Variants in WWOX observed in about 807,000 individuals in gnomAD.
The protein encoded by WWOX is WW domain-containing oxidoreductase.
A neutral mutation model predicts 46.2 loss-of-function variants in WWOX; 69 were observed. The ratio of observed to expected loss-of-function variants is 1.49; its 90% CI spans 1.23 to 1.82. The LOEUF is 1.82. Among genes scored for constraint, WWOX ranks in the 40% most tolerant of loss-of-function variants. WWOX has a pLI of 0.00. For synonymous variants in WWOX, 359 were observed against 202.6 expected (o/e 1.77, Z -6.56); for missense variants, 919 against 542.6 (o/e 1.69, Z -6.89).
intron 8 of WWOX, among the ~76,000 whole-genome samples, chr16:79,022,249 A>T (rs776158042): frequency 1.3e-5 from 2 of 150,608 alleles, no homozygotes; most frequent in Non-Finnish European, 2.9e-5. Flanking sequence ...TGGGATGACA[A>T]GTGCTTGGGG....
At chr16:79,008,270 G>T (rs187868909) in intron 8 of WWOX, among the ~76,000 whole-genome samples, 2 of 152,268 alleles carry the variant, frequency 1.3e-5, no homozygotes, top group Admixed American at 1.3e-4. Flanking sequence ...ACTGAAGGAG[G>T]CTCCCCCATG....
chr16:78,918,038 C>G (rs1041176930), intron 8 of WWOX, among the ~76,000 whole-genome samples: 2 of 152,006 alleles, frequency 1.3e-5, no homozygotes, highest in African/African-American at 4.8e-5. Context: ...CCCACCTCTA[C>G]AAAATATTTT....
chr16:78,162,742 C>T (rs887344127), intron 4 of WWOX, among the ~76,000 whole-genome samples: 5 of 151,964 alleles, frequency 3.3e-5, no homozygotes, highest in African/African-American at 1.2e-4. Flanking sequence ...TGTGTAAGAG[C>T]CTGGGAGAAT....
chr16:79,174,043 G>C (rs776424642), intron 8 of WWOX, among the ~76,000 whole-genome samples: 2 of 152,182 alleles, frequency 1.3e-5, no homozygotes, highest in Non-Finnish European at 2.9e-5. Flanking sequence ...ATACGCAATT[G>C]TAAGTGGTGC....
chr16:78,258,114 AT>A (rs775549980), intron 5 of WWOX, among the ~76,000 whole-genome samples: 277 of 152,296 alleles, frequency 1.8e-3, no homozygotes, highest in Non-Finnish European at 3.2e-3. Context: ...AATTAAAAAT[AT>A]TTTATTTCGG....
chr16:78,663,190 A>G (rs1467400069), intron 8 of WWOX, among the ~76,000 whole-genome samples: 1 of 152,152 alleles, frequency 6.6e-6, no homozygotes, highest in Non-Finnish European at 1.5e-5. Context: ...ACAACTACTC[A>G]TTGACTTTGT....
intron 5 of WWOX, among the ~76,000 whole-genome samples, chr16:78,297,947 A>G (rs2079968500): frequency 6.6e-6 from 1 of 151,994 alleles, no homozygotes; most frequent in South Asian, 2.1e-4. Flanking sequence ...AGGGGGAGGG[A>G]CCTCGTGGGA....
chr16:79,076,894 G>A (rs1363415759), intron 8 of WWOX, among the ~76,000 whole-genome samples: 9 of 152,288 alleles, frequency 5.9e-5, no homozygotes, highest in African/African-American at 1.4e-4. Context: ...TGTTTTATGC[G>A]TATTGTCCTG....
chr16:78,140,788 C>A (rs777756912), intron 4 of WWOX, among the ~76,000 whole-genome samples: 1 of 152,148 alleles, frequency 6.6e-6, no homozygotes, highest in Non-Finnish European at 1.5e-5. Flanking sequence ...TTCTGAGGTA[C>A]TGGGCTTAGG....
chr16:79,055,443 C>A (rs897629691), intron 8 of WWOX, among the ~76,000 whole-genome samples: 7 of 152,052 alleles, frequency 4.6e-5, no homozygotes, highest in Non-Finnish European at 7.4e-5. Flanking sequence ...CCTGAGACTG[C>A]CATGTTGAAG....
intron 8 of WWOX, among the ~76,000 whole-genome samples, chr16:78,808,784 G>T (rs1216912249): frequency 1.3e-5 from 2 of 152,032 alleles, no homozygotes; most frequent in Non-Finnish European, 2.9e-5. Context: ...CCAGTGTCGT[G>T]GTGTGTGATC....
intron 5 of WWOX, among the ~76,000 whole-genome samples, chr16:78,269,965 A>G (rs2079442707): frequency 7.5e-6 from 1 of 133,964 alleles, no homozygotes; most frequent in African/African-American, 2.9e-5. Flanking sequence ...TGGAGTATGC[A>G]TTTAATTCAC....
intron 8 of WWOX, among the ~76,000 whole-genome samples, chr16:78,803,612 C>T (rs12443658): frequency 0.13 from 19,097 of 152,006 alleles, 1,541 homozygotes; most frequent in Non-Finnish European, 0.18. Flanking sequence ...CATACCTGGA[C>T]ATGTTTTTAA....
At chr16:78,753,842 ATATATATATATATGTATATGTATATG>A (rs2049560788) in intron 8 of WWOX, among the ~76,000 whole-genome samples, 1 of 108,014 alleles carries the variant, frequency 9.3e-6, no homozygotes, top group Non-Finnish European at 1.9e-5. Flanking sequence ...ATATATATAT[ATATATATATATATGTATATGTATATG>A]TATATATAAA....
At chr16:78,181,336 G>C (rs942768368) in intron 5 of WWOX, among the ~76,000 whole-genome samples, 2 of 152,128 alleles carry the variant, frequency 1.3e-5, no homozygotes, top group Non-Finnish European at 2.9e-5. Context: ...ATCATTTCTT[G>C]CTTAGAAAGG....
chr16:79,120,103 C>G (rs1231182414), intron 8 of WWOX, among the ~76,000 whole-genome samples: 2 of 152,184 alleles, frequency 1.3e-5, no homozygotes, highest in East Asian at 1.9e-4. Context: ...ACTTAACATC[C>G]TGCCGTTAAT....
chr16:78,575,865 T>A (rs2044865919), intron 8 of WWOX, among the ~76,000 whole-genome samples: 1 of 151,994 alleles, frequency 6.6e-6, no homozygotes, highest in African/African-American at 2.4e-5. Context: ...TTTAAACATG[T>A]AAAAAAATCA....
chr16:78,109,692 G>C lies in WWOX; in HGVS notation c.173-86G>C, dbSNP rs1012824345. The C allele has an allele frequency of 9.0e-5, 127 of 1,411,280 alleles. 1 individual carries two copies. In the Middle Eastern group the frequency reaches 9.4e-4, roughly 10 times the overall value. The allele number at this position is 1,411,280 out of a possible 1,614,324, so 87.4% of individuals were successfully genotyped here. On this transcript the variant is annotated intron_variant, in intron 2 of 8. Transcript: ENST00000566780. ...GTGGGAGGGACAGGCTTGGGGGCGG[G>C]GCTGGGAGGGCTCCTTCCCTTCCTG...
intron 4 of WWOX, among the ~76,000 whole-genome samples, chr16:78,140,217 C>G (rs946634577): frequency 3.3e-5 from 5 of 152,094 alleles, no homozygotes; most frequent in African/African-American, 1.2e-4. Context: ...TGAGAGGTGC[C>G]CGATACAGTC....
Sources: allele counts gnomAD v4.1 joint callset (sites outside exome capture counted in the v4.1 genomes callset), GRCh38; gene constraint gnomAD v4.1.1; transcripts MANE v1.5; gene names NCBI Gene and HGNC (gene_info 2026-07-23, HGNC 2026-07-21).